The following MCU variants were observed in gnomAD, a reference collection of about 807,000 sequenced individuals.
The protein encoded by MCU is calcium uniporter protein, mitochondrial.
MCU carries 12 observed loss-of-function variants against 45.2 expected under a neutral mutation model. The ratio of observed to expected loss-of-function variants is 0.27; its 90% CI spans 0.17 to 0.43. The LOEUF (loss-of-function observed/expected upper bound fraction) is 0.43, where lower values mean the gene tolerates loss of function less well. Among genes scored for constraint, MCU ranks in the 20% least tolerant of loss-of-function variants. The probability of loss-of-function intolerance (pLI) is 1.00; values close to 1 mark genes in which losing one functional copy is unlikely to be tolerated. For missense variants in MCU, 324 were observed against 436.7 expected (o/e 0.74, Z 2.30); for synonymous variants, 160 against 165.1 (o/e 0.97, Z 0.24).
chr10:72,759,449 G>T (rs1564548834), intron 1 of MCU, among the ~76,000 whole-genome samples: 1 of 152,150 alleles, frequency 6.6e-6, no homozygotes, highest in East Asian at 1.9e-4. Context: ...CAGGCTGTCT[G>T]CTTGTGGATT....
intron 1 of MCU, among the ~76,000 whole-genome samples, chr10:72,725,856 C>A (rs1004018996): frequency 1.3e-5 from 2 of 151,908 alleles, no homozygotes; most frequent in East Asian, 3.9e-4. Context: ...TGCACTCCAG[C>A]CTAGGCAACA....
intron 1 of MCU, among the ~76,000 whole-genome samples, chr10:72,700,467 C>T (rs561359655): frequency 2.6e-5 from 4 of 152,250 alleles, no homozygotes; most frequent in African/African-American, 2.4e-5. Flanking sequence ...GTAGGTTGAA[C>T]ACAAAAGGAA....
At chr10:72,725,299 G>C (rs1018575959) in intron 1 of MCU, among the ~76,000 whole-genome samples, 1 of 151,946 alleles carries the variant, frequency 6.6e-6, no homozygotes, top group African/African-American at 2.4e-5. Flanking sequence ...CTAATTTTTT[G>C]TATTTTTTAG....
intron 1 of MCU, among the ~76,000 whole-genome samples, chr10:72,805,077 G>GTTTCTTTCTTTC (rs141690879): frequency 3.5e-5 from 5 of 141,044 alleles, no homozygotes; most frequent in African/African-American, 1.1e-4. Flanking sequence ...GCCCTAGTTT[G>GTTTCTTTCTTTC]TTTCTTTCTT....
At chr10:72,874,750 C>A (rs1242948935) in intron 6 of MCU, among the ~76,000 whole-genome samples, 1 of 152,182 alleles carries the variant, frequency 6.6e-6, no homozygotes, top group Non-Finnish European at 1.5e-5. Context: ...TGGATAACAA[C>A]CATGTTTTCA....
At chr10:72,881,778 T>C (rs1312418414) in intron 6 of MCU, among the ~76,000 whole-genome samples, 1 of 152,216 alleles carries the variant, frequency 6.6e-6, no homozygotes, top group East Asian at 1.9e-4. Context: ...GGCCTCAGCC[T>C]CTTAGTGATC....
At chr10:72,859,065 A>T (rs1845336484) in intron 2 of MCU, 112 bp from the exon 3 acceptor site, 1 of 1,084,754 alleles carries the variant, frequency 9.2e-7, no homozygotes, top group East Asian at 2.5e-5. Flanking sequence ...ACCTTCTTTG[A>T]AAACATTTTA....
intron 1 of MCU, among the ~76,000 whole-genome samples, chr10:72,764,921 G>A (rs1843703442): frequency 1.3e-5 from 2 of 151,912 alleles, no homozygotes; most frequent in Admixed American, 6.6e-5. Flanking sequence ...GAAAACATAC[G>A]ACTTATATTG....
At chr10:72,784,674 C>T (rs967620103) in intron 1 of MCU, among the ~76,000 whole-genome samples, 3 of 152,120 alleles carry the variant, frequency 2.0e-5, no homozygotes, top group Admixed American at 2.0e-4. Flanking sequence ...GAACAGTCTC[C>T]TCATTTTCAG....
At chr10:72,840,570 A>C (rs1845033027) in intron 2 of MCU, among the ~76,000 whole-genome samples, 1 of 152,124 alleles carries the variant, frequency 6.6e-6, no homozygotes, top group South Asian at 2.1e-4. Context: ...TACATACCCA[A>C]CCACTATACC....
chr10:72,822,172 T>C (rs1469919088), intron 1 of MCU, among the ~76,000 whole-genome samples: 1 of 152,088 alleles, frequency 6.6e-6, no homozygotes, highest in Non-Finnish European at 1.5e-5. Context: ...ACTAGGAGGC[T>C]GAGGCAGGAG....
rs759213032 is a variant in MCU at position 72,711,708 on chromosome 10, CTT to C, written c.150+19427_150+19428del. ...CTGGGGATAGAGCAAGACTGTGTTT[CTT>C]TTTTTTTTTTTTTTTTTTTGAGACA... On this transcript the variant is annotated intron_variant, in intron 1 of 7. Coordinates refer to ENST00000373053, the MANE Select transcript of MCU (RefSeq NM_138357.3). Among the ~76,000 whole-genome samples the C allele has an allele frequency of 1.1e-3, 127 of 114,662 alleles. 1 individual carries two copies. Among genetic ancestry groups the C allele is most frequent in the African/African-American group, 3.6e-3 (112 of 30,908 alleles). 75.2% of individuals were successfully genotyped at this position (114,662 alleles called of 152,430 possible).
chr10:72,869,700 A>G (rs1845511717), intron 5 of MCU, among the ~76,000 whole-genome samples: 1 of 152,244 alleles, frequency 6.6e-6, no homozygotes, highest in Non-Finnish European at 1.5e-5. Context: ...ATTATAAGTA[A>G]TCTAGAGATG....
intron 1 of MCU, among the ~76,000 whole-genome samples, chr10:72,714,204 A>AT (rs1842928920): frequency 6.6e-6 from 1 of 151,344 alleles, no homozygotes; most frequent in Non-Finnish European, 1.5e-5. Flanking sequence ...TGACCTCATG[A>AT]TTTGCCCACC....
chr10:72,836,487 G>A (rs895096963), intron 2 of MCU, among the ~76,000 whole-genome samples: 6 of 151,890 alleles, frequency 4.0e-5, no homozygotes, highest in Non-Finnish European at 2.9e-5. Context: ...AGATATTTCA[G>A]TAATTTAACA....
At chr10:72,837,863 T>G (rs1255828539) in intron 2 of MCU, among the ~76,000 whole-genome samples, 1 of 148,828 alleles carries the variant, frequency 6.7e-6, no homozygotes, top group Non-Finnish European at 1.5e-5. Flanking sequence ...CTGGTTTTTT[T>G]TTTTTTTTTT....
chr10:72,820,032 G>A (rs1844687159), intron 1 of MCU, among the ~76,000 whole-genome samples: 2 of 152,136 alleles, frequency 1.3e-5, no homozygotes, highest in African/African-American at 4.8e-5. Flanking sequence ...GTGAACATGA[G>A]TGGTATATGT....
chr10:72,865,994 G>T (rs1471364618), intron 4 of MCU, among the ~76,000 whole-genome samples: 1 of 150,292 alleles, frequency 6.7e-6, no homozygotes, highest in Non-Finnish European at 1.5e-5. Flanking sequence ...AGCCAGAATG[G>T]TCTTGATCTC....
intron 2 of MCU, among the ~76,000 whole-genome samples, chr10:72,849,329 G>A (rs1416699337): frequency 6.6e-6 from 1 of 151,658 alleles, no homozygotes; most frequent in Admixed American, 6.6e-5. Context: ...GATAAGATAT[G>A]AGGAATGTCA....
Sources: gnomAD v4.1 joint callset for allele counts (sites outside exome capture counted in the v4.1 genomes callset) on GRCh38, gnomAD v4.1.1 for gene constraint, MANE v1.5 for transcripts, NCBI Gene and HGNC (gene_info 2026-07-23, HGNC 2026-07-21) for gene names.